Variants in FAM234B observed in about 807,000 individuals in gnomAD.
FAM234B encodes protein FAM234B.
Under a neutral mutation model 69.3 loss-of-function variants are expected in FAM234B, and 33 were observed. The observed-to-expected ratio is 0.48, with a 90% CI of 0.36 to 0.64. FAM234B has a LOEUF of 0.64. Among genes scored for constraint, FAM234B ranks in the 30% least tolerant of loss-of-function variants. The pLI is 0.00. For synonymous variants in FAM234B, 306 were observed against 306.9 expected (o/e 1.00, Z 0.03); for missense variants, 697 against 769.7 (o/e 0.91, Z 1.12).
At chr12:13,049,814 G>A (rs1293575979) in intron 1 of FAM234B, among the ~76,000 whole-genome samples, 3 of 152,148 alleles carry the variant, frequency 2.0e-5, no homozygotes, top group Non-Finnish European at 4.4e-5. Context: ...CTAATTGTTT[G>A]TTATGTTTCG....
intron 1 of FAM234B, among the ~76,000 whole-genome samples, chr12:13,054,125 T>C (rs984166332): frequency 6.6e-6 from 1 of 152,226 alleles, no homozygotes; most frequent in Non-Finnish European, 1.5e-5. Context: ...ACAATCAATT[T>C]GTACAATAGT....
Position 13,081,307 on chromosome 12 carries a change from G to C in FAM234B, c.*677G>C, listed in dbSNP as rs1865223606. 6.6e-6 allele frequency: 1 copy of C among 152,160 alleles called. No homozygotes were observed. The highest frequency in any genetic ancestry group is 1.5e-5 in the Non-Finnish European group (1 of 68,040). The allele number at this position is 152,160 out of a possible 1,614,324, so 9.4% of individuals were successfully genotyped here. On this transcript the variant is annotated 3_prime_UTR_variant, in exon 13 of 13. Transcript: ENST00000197268. ...GATTTTCCATCCATGTCTATTAAGT[G>C]ACCACAAGAATAACTATATTCCTAT... is the stretch of plus-strand genomic sequence containing the variant.
At chr12:13,076,178 A>G (rs1226556013) in intron 11 of FAM234B, 35 bp downstream of exon 11, 1 of 1,434,908 alleles carries the variant, frequency 7.0e-7, no homozygotes, top group Non-Finnish European at 9.8e-7. Flanking sequence ...CTGTGTACGC[A>G]GATGGTGGGA....
rs1310683205 is a variant in FAM234B, at chr12:13,044,422, A to T, written c.19A>T (p.Arg7Trp). The change falls in exon 1 of 13, where the codon AGG becomes TGG. Residue 7 changes from arginine to tryptophan, a missense_variant. Arg to Trp is a moderately radical substitution (Grantham distance 101). Around this residue, in one of 3 missense-constraint regions of FAM234B, gnomAD observed 380 missense variants for 447.1 expected, o/e 0.85. Coordinates refer to ENST00000197268, the MANE Select transcript of FAM234B (RefSeq NM_020853.2). This position sits in a 1 kb window ranked among gnomAD's most constrained non-coding sequence, Gnocchi z 5.6. ...CTCAGCCATGGCGACCGTGCTGTCC[A>T]GGGCGCTCAAGCTGCCGGGTAAGGA... MATVLS[R>W]ALKLPGKKSP... 1 of 1,551,784 alleles carries T rather than the reference A, an allele frequency of 6.4e-7. No individual in the cohort carries two copies. Among genetic ancestry groups the T allele is most frequent in the South Asian group, 1.2e-5 (1 of 84,120 alleles).
intron 10 of FAM234B, among the ~76,000 whole-genome samples, chr12:13,075,441 T>TTA (rs1555121823): frequency 2.7e-5 from 4 of 148,560 alleles, no homozygotes; most frequent in East Asian, 1.9e-4. Flanking sequence ...TTCTTTTTTT[T>TTA]TTTTTTTATT....
rs1267362842 is a variant in FAM234B, at chr12:13,055,822, C to A, written c.309C>A (p.Arg103=). Reference sequence around the variant, plus strand: ...CCTCCTCCCTGGTGTCATATGTGCGCACGTCTGTCTTCCTGCTGACTTTGG... The same window carrying A: ...CCTCCTCCCTGGTGTCATATGTGCGAACGTCTGTCTTCCTGCTGACTTTGG... ...KAASSLVSYV[R]TSVFLLTLGI... is the part of the protein sequence containing the mutation. Residue 103 remains arginine, a synonymous_variant, in exon 2 of 13, where the codon CGC becomes CGA. Transcript: ENST00000197268. The A allele has an allele frequency of 6.2e-7, 1 of 1,614,042 alleles. No individual in the cohort carries two copies. The highest frequency in any genetic ancestry group is 8.5e-7 in the Non-Finnish European group (1 of 1,180,036).
At chr12:13,080,420 A>T (rs1267590777) in intron 12 of FAM234B, among the ~76,000 whole-genome samples, 1 of 152,220 alleles carries the variant, frequency 6.6e-6, no homozygotes, top group Admixed American at 6.5e-5. Context: ...AAGAAATATT[A>T]TAGTCTAGTG....
At chr12:13,068,265 C>G in intron 7 of FAM234B, 39 bp from the exon 8 acceptor site, 7 of 1,612,376 alleles carry the variant, frequency 4.3e-6, no homozygotes, top group Non-Finnish European at 5.9e-6. Flanking sequence ...AAATCTCATC[C>G]AAGCCAGAGA....
chr12:13,059,045 T>G (rs2120465670), intron 3 of FAM234B, among the ~76,000 whole-genome samples: 1 of 152,344 alleles, frequency 6.6e-6, no homozygotes, highest in South Asian at 2.1e-4. Flanking sequence ...CATCCTGCTC[T>G]CTGCATGGGG....
intron 10 of FAM234B, among the ~76,000 whole-genome samples, chr12:13,072,037 AAACACATCTTG>A (rs1384347666): frequency 1.3e-5 from 2 of 152,214 alleles, no homozygotes; most frequent in Non-Finnish European, 2.9e-5. Flanking sequence ...GAGTTCAATG[AAACACATCTTG>A]ACTCAGCACT....
rs537570884 is a variant in FAM234B, at chr12:13,053,860, C to T, written c.38-1691C>T. On this transcript the variant is annotated intron_variant, in intron 1 of 12. Transcript: ENST00000197268. Reference sequence around the variant, plus strand: ...CCACATAAGACAGACACTCCCAGAGCGACCATTTGTAGACCTCCCCCCAGG... The same window carrying T: ...CCACATAAGACAGACACTCCCAGAGTGACCATTTGTAGACCTCCCCCCAGG... 4.6e-5 allele frequency among the ~76,000 whole-genome samples: 7 copies of T among 152,228 alleles called. No individual in the cohort carries two copies. In the East Asian group the frequency reaches 5.8e-4, roughly 13 times the overall value.
At chr12:13,068,539 C>T in intron 8 of FAM234B, 91 bp from the exon 9 acceptor site, 2 of 1,584,680 alleles carry the variant, frequency 1.3e-6, no homozygotes, top group Non-Finnish European at 8.6e-7. Flanking sequence ...ATTCTTATAT[C>T]TGGGGCCAGT....
intron 1 of FAM234B, among the ~76,000 whole-genome samples, chr12:13,053,536 A>G (rs1864897160): frequency 6.6e-6 from 1 of 152,162 alleles, no homozygotes; most frequent in East Asian, 1.9e-4. Context: ...GAGCCACAAA[A>G]CCAGCAAGTT....
intron 2 of FAM234B, among the ~76,000 whole-genome samples, chr12:13,056,936 T>A (rs1399505437): frequency 6.6e-6 from 1 of 152,084 alleles, no homozygotes; most frequent in Non-Finnish European, 1.5e-5. Flanking sequence ...TGCTGGTTTT[T>A]AAATTTTACA....
chr12:13,064,667 G>C (rs181535053), intron 5 of FAM234B, among the ~76,000 whole-genome samples: 1 of 152,256 alleles, frequency 6.6e-6, no homozygotes, highest in East Asian at 1.9e-4. Context: ...TCTCAGTTCT[G>C]CTTGAAAAGT....
intron 1 of FAM234B, among the ~76,000 whole-genome samples, chr12:13,052,230 G>T (rs1386160155): frequency 2.0e-5 from 3 of 152,142 alleles, no homozygotes; most frequent in Admixed American, 6.5e-5. Context: ...TTTCTAGATT[G>T]GAGGCCAGTG....
intron 10 of FAM234B, among the ~76,000 whole-genome samples, chr12:13,074,271 G>C (rs1456571841): frequency 6.6e-6 from 1 of 152,188 alleles, no homozygotes; most frequent in African/African-American, 2.4e-5. Context: ...GGCAAGATAA[G>C]TCTCAAGTGT....
At chr12:13,066,608 A>T (rs201726510) in intron 5 of FAM234B, 32 bp from the exon 6 acceptor site, 1 of 1,588,630 alleles carries the variant, frequency 6.3e-7, no homozygotes, top group Non-Finnish European at 8.6e-7. Context: ...TAGGGCTTCT[A>T]TTGACTCCAC....
chr12:13,055,755 G>T lies in FAM234B; in HGVS notation c.242G>T (p.Gly81Val). ...CATCTTTCAGAAGTCACCACGGAGG[G>T]CTACCCCTCAGAACCCCTTGGGGGC... is the stretch of plus-strand genomic sequence containing the variant. ...KPHLSEVTTE[G>V]YPSEPLGGLE... The change falls in exon 2 of 13, where the codon GGC (glycine) becomes GTC (valine). Residue 81 changes from glycine to valine, a missense_variant. Physicochemically the swap from Gly to Val is moderately radical, Grantham distance 109. This residue lies in a region of FAM234B where 380 missense variants were observed against 447.1 expected (regional missense o/e 0.85). Coordinates refer to ENST00000197268, the MANE Select transcript of FAM234B (RefSeq NM_020853.2). 2 of 1,614,194 alleles carry T rather than the reference G, an allele frequency of 1.2e-6. No individual in the cohort carries two copies. Among genetic ancestry groups the T allele is most frequent in the Non-Finnish European group, 1.7e-6 (2 of 1,180,018 alleles).
Sources: gnomAD v4.1 joint callset for allele counts (sites outside exome capture counted in the v4.1 genomes callset) on GRCh38, gnomAD v4.1.1 for gene constraint, gnomAD v4.1.1 regional missense constraint, Gnocchi (gnomAD v3.1) non-coding constraint, MANE v1.5 for transcripts, NCBI Gene and HGNC (gene_info 2026-07-23, HGNC 2026-07-21) for gene names.